DOCK2: variants seen among roughly 807,000 people sequenced by gnomAD.
The protein encoded by DOCK2 is dedicator of cytokinesis protein 2.
Under a neutral mutation model 248.9 loss-of-function variants are expected in DOCK2, and 87 were observed. The observed-to-expected ratio is 0.35, with a 90% confidence interval of 0.29 to 0.42. The LOEUF (loss-of-function observed/expected upper bound fraction) is 0.42, where lower values mean the gene tolerates loss of function less well. Among genes scored for constraint, DOCK2 ranks in the 10% least tolerant of loss-of-function variants. The probability of loss-of-function intolerance (pLI) is 1.00; values close to 1 mark genes in which losing one functional copy is unlikely to be tolerated. For synonymous variants in DOCK2, 805 were observed against 821.6 expected, an observed-to-expected ratio of 0.98 and a Z score of 0.35; for missense variants, 1,747 against 2,300.2, an observed-to-expected ratio of 0.76 and a Z score of 4.92.
chr5:170,076,088 T>C lies in DOCK2; in HGVS notation c.4866+4T>C. On this transcript the variant is annotated splice_donor_region_variant and intron_variant, in intron 47 of 51. Transcript: ENST00000520908. ...GGAGTACGGTGTCCGAGAGATGGTA[T>C]GGGTGGTTCCTATGGCTTGGAGGGG... is the stretch of plus-strand genomic sequence containing the variant. 1 of 1,563,542 alleles carries C rather than the reference T, an allele frequency of 6.4e-7. No individual in the cohort carries two copies. Among genetic ancestry groups the C allele is most frequent in the Non-Finnish European group, 8.7e-7 (1 of 1,146,890 alleles).
At chr5:169,845,606 C>T (rs30079) in intron 27 of DOCK2, among the ~76,000 whole-genome samples, 69,693 of 152,060 alleles carry the variant, frequency 0.46, 16,235 homozygotes, top group East Asian at 0.74. Flanking sequence ...TCAGATTGCT[C>T]TTCCTTATTC....
intron 1 of DOCK2, among the ~76,000 whole-genome samples, chr5:169,637,992 C>T (rs1419367816): frequency 6.6e-6 from 1 of 152,150 alleles, no homozygotes; most frequent in African/African-American, 2.4e-5. Flanking sequence ...CAGCCTCAGC[C>T]ATCTAAACTC....
At chr5:170,064,982 A>G (rs1447770909) in intron 44 of DOCK2, among the ~76,000 whole-genome samples, 2 of 152,182 alleles carry the variant, frequency 1.3e-5, no homozygotes, top group Non-Finnish European at 2.9e-5. Context: ...CTAATACTTT[A>G]ATGATGGTGG....
At chr5:169,654,927 C>G (rs930871136) in intron 2 of DOCK2, among the ~76,000 whole-genome samples, 13 of 152,218 alleles carry the variant, frequency 8.5e-5, no homozygotes, top group African/African-American at 3.1e-4. Flanking sequence ...GAGCTCACTC[C>G]CCTCCCCAAG....
intron 23 of DOCK2, among the ~76,000 whole-genome samples, chr5:169,750,932 G>A (rs1763861736): frequency 6.6e-6 from 1 of 152,212 alleles, no homozygotes; most frequent in Admixed American, 6.5e-5. Flanking sequence ...TTTGAGATTT[G>A]CTGCAGGAGA....
intron 48 of DOCK2, among the ~76,000 whole-genome samples, chr5:170,078,640 C>A (rs889228584): frequency 1.1e-4 from 17 of 152,228 alleles, no homozygotes; most frequent in African/African-American, 3.9e-4. Context: ...CAAAGTTATT[C>A]ATTCAGCTAA....
chr5:169,899,106 T>C (rs1337130037), intron 27 of DOCK2, among the ~76,000 whole-genome samples: 2 of 152,134 alleles, frequency 1.3e-5, no homozygotes, highest in Admixed American at 6.6e-5. Flanking sequence ...AAATGGCTGA[T>C]TTGTGGATTA....
At chr5:169,957,471 T>G (rs1347945838) in intron 27 of DOCK2, among the ~76,000 whole-genome samples, 2 of 152,196 alleles carry the variant, frequency 1.3e-5, no homozygotes, top group Admixed American at 6.5e-5. Flanking sequence ...CACAGCCCTG[T>G]AAGGAGAAGT....
At chr5:169,751,065 T>C (rs1334585552) in intron 23 of DOCK2, among the ~76,000 whole-genome samples, 2 of 152,176 alleles carry the variant, frequency 1.3e-5, no homozygotes, top group Non-Finnish European at 2.9e-5. Flanking sequence ...TAGGGGATTA[T>C]TGAGGGGGTG....
intron 30 of DOCK2, among the ~76,000 whole-genome samples, chr5:170,001,264 T>C (rs1351166354): frequency 6.6e-6 from 1 of 152,148 alleles, no homozygotes; most frequent in Non-Finnish European, 1.5e-5. Flanking sequence ...TTTTTTTTTA[T>C]TGAAATTTGG....
intron 27 of DOCK2, among the ~76,000 whole-genome samples, chr5:169,855,127 C>T (rs549508807): frequency 2.6e-5 from 4 of 152,190 alleles, no homozygotes; most frequent in Non-Finnish European, 5.9e-5. Context: ...TCCATTTGCT[C>T]TTCTGGAAAA....
At chr5:170,082,553 A>G (rs1043813293) in intron 51 of DOCK2, among the ~76,000 whole-genome samples, 1 of 152,140 alleles carries the variant, frequency 6.6e-6, no homozygotes, top group Non-Finnish European at 1.5e-5. Context: ...TTAGGATTTT[A>G]TATGGGAGGC....
intron 25 of DOCK2, among the ~76,000 whole-genome samples, chr5:169,796,452 G>C (rs1766661128): frequency 6.6e-6 from 1 of 152,092 alleles, no homozygotes; most frequent in African/African-American, 2.4e-5. Flanking sequence ...TTATTTCTGG[G>C]TGAGTGCATG....
intron 17 of DOCK2, 146 bp from the exon 18 acceptor site, chr5:169,713,882 C>T: frequency 1.2e-6 from 1 of 850,036 alleles, no homozygotes; most frequent in Non-Finnish European, 1.7e-6. Context: ...CCTGCCTCAC[C>T]AGCCAATGTC....
chr5:169,854,245 G>T (rs1019112444), intron 27 of DOCK2, among the ~76,000 whole-genome samples: 1 of 151,524 alleles, frequency 6.6e-6, no homozygotes, highest in African/African-American at 2.4e-5. Context: ...GAGTGCAGTG[G>T]CATGATCTCA....
chr5:169,837,198 TA>T (rs1248179217), intron 26 of DOCK2, among the ~76,000 whole-genome samples: 5 of 152,182 alleles, frequency 3.3e-5, no homozygotes, highest in Non-Finnish European at 1.5e-5. Flanking sequence ...GCAGTGTGTT[TA>T]GGTTGGATGG....
At chr5:169,943,224 A>G (rs1029233482) in intron 27 of DOCK2, among the ~76,000 whole-genome samples, 7 of 152,112 alleles carry the variant, frequency 4.6e-5, no homozygotes, top group Admixed American at 1.3e-4. Flanking sequence ...AATTGGATGA[A>G]TAGGTTTTAA....
intron 27 of DOCK2, among the ~76,000 whole-genome samples, chr5:169,891,995 CAAA>C (rs571918885): frequency 7.8e-5 from 5 of 64,234 alleles, no homozygotes; most frequent in African/African-American, 1.2e-4. Context: ...GATTCCGTCC[CAAA>C]AAAAAAAAAA....
intron 23 of DOCK2, 68 bp downstream of exon 23, chr5:169,747,572 A>G (rs1763679111): frequency 1.2e-5 from 16 of 1,376,446 alleles, no homozygotes; most frequent in Non-Finnish European, 1.6e-5. Flanking sequence ...ATGCTAAGAT[A>G]ATATCTTCTT....
Sources: allele counts gnomAD v4.1 joint callset (sites outside exome capture counted in the v4.1 genomes callset), GRCh38; gene constraint gnomAD v4.1.1; transcripts MANE v1.5; gene names NCBI Gene and HGNC (gene_info 2026-07-23, HGNC 2026-07-21).